PCDHA10: variants seen among roughly 807,000 people sequenced by gnomAD.
PCDHA10 encodes protocadherin alpha-10.
In PCDHA10, 45 loss-of-function variants were observed where a neutral mutation model predicts 61.2. The ratio of observed to expected loss-of-function variants is 0.74; its 90% CI spans 0.58 to 0.94. The LOEUF is 0.94. PCDHA10 is among the 40% of genes least tolerant of loss of function. The pLI is 0.00. For synonymous variants in PCDHA10, 602 were observed against 548.8 expected (o/e 1.10, Z -1.35); for missense variants, 1,278 against 1,236.2 (o/e 1.03, Z -0.51).
chr5:140,858,135 T>C lies in PCDHA10; in HGVS notation c.2087T>C (p.Val696Ala). 1 of 1,597,450 alleles carries C rather than the reference T, an allele frequency of 6.3e-7. No individual in the cohort carries two copies. The change falls in exon 1 of 4, where the codon GTG (valine) becomes GCG (alanine). Residue 696 changes from valine (V) to alanine (A), a missense_variant. Coordinates refer to ENST00000307360, the MANE Select transcript of PCDHA10 (RefSeq NM_018901.4). Reference sequence around the variant, plus strand: ...GAGGTGGCCCTGGTGGATGTCAACGTGTACCTGATCATCGCCATCTGCGCG... The same window carrying C: ...GAGGTGGCCCTGGTGGATGTCAACGCGTACCTGATCATCGCCATCTGCGCG... ...APEVALVDVN[V>A]YLIIAICAVS...
At chr5:140,959,443 G>C (rs1472511414) in intron 1 of PCDHA10, among the ~76,000 whole-genome samples, 1 of 151,580 alleles carries the variant, frequency 6.6e-6, no homozygotes, top group Non-Finnish European at 1.5e-5. Context: ...TTTCTATTTT[G>C]TGCTGAAAAG....
intron 2 of PCDHA10, among the ~76,000 whole-genome samples, chr5:140,981,822 G>A (rs1229465317): frequency 6.6e-6 from 1 of 151,926 alleles, no homozygotes; most frequent in Non-Finnish European, 1.5e-5. Flanking sequence ...ATCTCTGCTT[G>A]CCTCTAAAGG....
intron 1 of PCDHA10, chr5:140,861,376 C>G (rs1490345053): frequency 4.8e-6 from 2 of 418,688 alleles, no homozygotes; most frequent in African/African-American, 4.1e-5. Flanking sequence ...GTCCCTATTG[C>G]GCAGGACCTG....
chr5:140,871,643 C>G (rs1432039358), intron 1 of PCDHA10: 1 of 1,293,296 alleles, frequency 7.7e-7, no homozygotes, highest in Admixed American at 2.9e-5. Flanking sequence ...TCATAAAATA[C>G]CAAATGATAC....
Position 140,963,857 on chromosome 5 carries a change from G to A in PCDHA10, c.2389-15092G>A, listed in dbSNP as rs181224305. The stretch of plus-strand genomic sequence containing the variant: ...TTCTCATGTAATCATAATAATAACC[G>A]TATGAGTTTTGCTTACTATTGTTTT... On this transcript the variant is annotated intron_variant, in intron 1 of 3. Transcript: ENST00000307360. Among the ~76,000 whole-genome samples the A allele has an allele frequency of 5.3e-5, 8 of 152,252 alleles. 1 individual carries two copies. The East Asian group carries it at 7.7e-4, about 15-fold the overall frequency.
intron 1 of PCDHA10, chr5:140,866,984 A>G (rs2049692494): frequency 6.6e-6 from 1 of 152,180 alleles, no homozygotes; most frequent in African/African-American, 2.4e-5. Flanking sequence ...ATCACAGCCA[A>G]AATGCAAAAG....
intron 1 of PCDHA10, among the ~76,000 whole-genome samples, chr5:140,973,841 G>A (rs2096604649): frequency 6.6e-6 from 1 of 152,188 alleles, no homozygotes; most frequent in Admixed American, 6.5e-5. Context: ...CTTGCTTGTT[G>A]CCTACCAATT....
At chr5:140,875,991 T>C in intron 1 of PCDHA10, 2 of 1,613,966 alleles carry the variant, frequency 1.2e-6, no homozygotes, top group South Asian at 2.2e-5. Context: ...ATGCGTTAAG[T>C]CTAAATGAGA....
chr5:140,968,081 G>A, intron 1 of PCDHA10: 2 of 1,614,120 alleles, frequency 1.2e-6, no homozygotes, highest in Non-Finnish European at 1.7e-6. Context: ...CAACATCACG[G>A]TGACAGCCAC....
chr5:140,969,403 G>C, intron 1 of PCDHA10: 1 of 1,579,282 alleles, frequency 6.3e-7, no homozygotes, highest in Non-Finnish European at 8.6e-7. Context: ...CCTGTGATTT[G>C]GCTTTATTGA....
At chr5:140,859,972 C>A (rs949834053) in intron 1 of PCDHA10, 1 of 151,842 alleles carries the variant, frequency 6.6e-6, no homozygotes, top group South Asian at 2.1e-4. Flanking sequence ...CTCAGGTATA[C>A]AAGTGCATTA....
intron 1 of PCDHA10, among the ~76,000 whole-genome samples, chr5:140,972,866 G>A (rs1010114234): frequency 6.6e-6 from 1 of 152,046 alleles, no homozygotes; most frequent in Non-Finnish European, 1.5e-5. Context: ...GTTTCATCAT[G>A]TTGTCCAGGA....
intron 1 of PCDHA10, among the ~76,000 whole-genome samples, chr5:140,879,282 A>T (rs1554170732): frequency 1.3e-5 from 2 of 152,238 alleles, no homozygotes; most frequent in Non-Finnish European, 2.9e-5. Context: ...ACTCAATACA[A>T]ATGATAAGAG....
intron 1 of PCDHA10, chr5:140,868,929 AG>A: frequency 9.3e-7 from 1 of 1,070,938 alleles, no homozygotes; most frequent in Non-Finnish European, 1.3e-6. Context: ...GTTCATTTAA[AG>A]GTTGGTCTGA....
chr5:140,992,485 A>T (rs1234957114), intron 3 of PCDHA10, among the ~76,000 whole-genome samples: 1 of 152,208 alleles, frequency 6.6e-6, no homozygotes, highest in Non-Finnish European at 1.5e-5. Flanking sequence ...CCCAGAGGCC[A>T]ATCTGTAAGG....
chr5:140,862,412 G>C (rs536653894), intron 1 of PCDHA10: 92 of 349,964 alleles, frequency 2.6e-4, no homozygotes, highest in Middle Eastern at 1.0e-3. Flanking sequence ...ACCTTCAAAA[G>C]GCGCTGCCCA....
Position 140,881,767 on chromosome 5 carries a change from C to T in PCDHA10, c.2388+23331C>T, listed in dbSNP as rs923432967. Among the ~76,000 whole-genome samples, 13 of 152,322 alleles carry T rather than the reference C, an allele frequency of 8.5e-5. No homozygotes were observed. In the East Asian group the frequency reaches 2.1e-3, roughly 25 times the overall value. On this transcript the variant is annotated intron_variant, in intron 1 of 3. Coordinates refer to ENST00000307360, the MANE Select transcript of PCDHA10 (RefSeq NM_018901.4). ...GACAGTACCACAAAAACCTACATGA[C>T]TATGCAGAACTACCGATCAATTGTC...
At chr5:140,908,846 T>A (rs2074185614) in intron 1 of PCDHA10, among the ~76,000 whole-genome samples, 1 of 152,294 alleles carries the variant, frequency 6.6e-6, no homozygotes, top group East Asian at 1.9e-4. Flanking sequence ...TGGAGTAACA[T>A]ACCCAAATGA....
chr5:140,961,263 T>A (rs782231630), intron 1 of PCDHA10, among the ~76,000 whole-genome samples: 1 of 152,218 alleles, frequency 6.6e-6, no homozygotes, highest in Non-Finnish European at 1.5e-5. Flanking sequence ...TCCAGGAAGC[T>A]TCTTTTTACC....
Sources: gnomAD v4.1 joint callset for allele counts (sites outside exome capture counted in the v4.1 genomes callset) on GRCh38, gnomAD v4.1.1 for gene constraint, MANE v1.5 for transcripts, NCBI Gene and HGNC (gene_info 2026-07-23, HGNC 2026-07-21) for gene names.